The following MAP4K5 variants were observed in gnomAD, a reference collection of about 807,000 sequenced individuals.
MAP4K5 encodes the protein mitogen-activated protein kinase kinase kinase kinase 5, also known as MAPK/ERK kinase kinase kinase 5.
MAP4K5 carries 82 observed loss-of-function variants against 135.6 expected under a neutral mutation model. The observed-to-expected ratio is 0.60, with a 90% confidence interval of 0.51 to 0.73. The LOEUF is 0.73. MAP4K5 is among the 30% of genes least tolerant of loss of function. The pLI is 0.00. For synonymous variants in MAP4K5, 347 were observed against 335.0 expected, an observed-to-expected ratio of 1.04 and a Z score of -0.39; for missense variants, 907 against 1,010.9, an observed-to-expected ratio of 0.90 and a Z score of 1.39.
At position 50,511,339 on chromosome 14, in the gene MAP4K5, GT is replaced by G. The variant is rs557000888; in HGVS notation, c.109-6483del. Among the ~76,000 whole-genome samples the G allele has an allele frequency of 8.5e-5, 13 of 152,250 alleles. 1 individual carries two copies. The South Asian group carries it at 2.7e-3, about 32-fold the overall frequency. The stretch of plus-strand genomic sequence containing the variant: ...AACCATCACATGTTCTCACTCACAT[GT>G]GGAAGCTAAAAAAAGTTAATCTCAT... On this transcript the variant is annotated intron_variant, in intron 2 of 32. Coordinates refer to ENST00000682126, the MANE Select transcript of MAP4K5 (RefSeq NM_006575.6).
At chr14:50,506,914 C>T (rs17718580) in intron 2 of MAP4K5, among the ~76,000 whole-genome samples, 10,923 of 152,208 alleles carry the variant, frequency 0.072, 503 homozygotes, top group Middle Eastern at 0.13. Flanking sequence ...GTCTGTTAGC[C>T]TCACGTCTTC....
chr14:50,506,621 GT>G (rs2037815287), intron 2 of MAP4K5, among the ~76,000 whole-genome samples: 1 of 152,156 alleles, frequency 6.6e-6, no homozygotes, highest in Non-Finnish European at 1.5e-5. Context: ...GCCTCCTGAA[GT>G]GCTGGGATTA....
At chr14:50,438,668 TTTA>T (rs562183534) in intron 23 of MAP4K5, among the ~76,000 whole-genome samples, 14 of 152,252 alleles carry the variant, frequency 9.2e-5, no homozygotes, top group Admixed American at 2.0e-4. Context: ...TATTTATCTT[TTTA>T]TTATTAGAAA....
intron 3 of MAP4K5, among the ~76,000 whole-genome samples, chr14:50,490,153 G>A (rs957291142): frequency 8.6e-4 from 126 of 146,952 alleles, no homozygotes; most frequent in Non-Finnish European, 9.8e-4. Flanking sequence ...GTGTGTGTGT[G>A]TGTGTGTAAG....
rs763799583 is a variant in MAP4K5, at chr14:50,531,953, C to A, written c.97G>T (p.Asp33Tyr). 5.6e-6 allele frequency: 9 copies of A among 1,599,308 alleles called. No individual in the cohort carries two copies. Among genetic ancestry groups the A allele is most frequent in the Non-Finnish European group, 6.8e-6 (8 of 1,172,868 alleles). ...CCAGCCTCACTTACCTTATAGACGT[C>A]CCCGTAGGTGCCGCTGCCGACCCTC... ...VQRVGSGTYG[D>Y]VYKARNVHTG... The change falls in exon 2 of 33, where the codon GAC becomes TAC. Residue 33 changes from aspartate to tyrosine, a missense_variant. Asp to Tyr is a radical substitution (Grantham distance 160). Around this residue, in one of 3 missense-constraint regions of MAP4K5, gnomAD observed 196 missense variants for 189.3 expected, o/e 1.04. Coordinates refer to ENST00000682126, the MANE Select transcript of MAP4K5 (RefSeq NM_006575.6).
intron 2 of MAP4K5, among the ~76,000 whole-genome samples, chr14:50,523,753 G>A (rs1178592818): frequency 2.0e-5 from 3 of 152,152 alleles, no homozygotes; most frequent in Admixed American, 1.3e-4. Flanking sequence ...CATGAGGGGA[G>A]GAATCTTTGT....
intron 18 of MAP4K5, 150 bp downstream of exon 18, chr14:50,444,891 T>G: frequency 1.2e-6 from 1 of 820,902 alleles, no homozygotes; most frequent in Non-Finnish European, 1.8e-6. Flanking sequence ...TTTACAAAGC[T>G]TTAAGCTATA....
chr14:50,440,278 G>A, intron 22 of MAP4K5, 84 bp downstream of exon 22: 1 of 908,168 alleles, frequency 1.1e-6, no homozygotes, highest in Non-Finnish European at 1.7e-6. Context: ...TTAAAATTGG[G>A]GCCTACACAG....
chr14:50,470,653 TAC>T (rs59377868), intron 9 of MAP4K5, among the ~76,000 whole-genome samples: 2,429 of 149,174 alleles, frequency 0.016, 58 homozygotes, highest in African/African-American at 0.053. Context: ...CATCCATTTT[TAC>T]ACACACACAC....
At chr14:50,560,372 CAGGG>C in intron 1 of MAP4K5, 1 of 1,564,736 alleles carries the variant, frequency 6.4e-7, no homozygotes, top group Non-Finnish European at 8.7e-7. Flanking sequence ...TCTGTGGAGA[CAGGG>C]AGGGCCAAGG....
chr14:50,453,035 A>G (rs768597188), intron 14 of MAP4K5, among the ~76,000 whole-genome samples: 4 of 152,198 alleles, frequency 2.6e-5, no homozygotes, highest in Non-Finnish European at 4.4e-5. Context: ...CTTTATGATG[A>G]TACCTGTAGA....
intron 26 of MAP4K5, 142 bp from the exon 27 acceptor site, chr14:50,435,207 GT>G: frequency 8.4e-6 from 4 of 474,148 alleles, no homozygotes; most frequent in Non-Finnish European, 1.5e-5. Flanking sequence ...TGCCTTTTCC[GT>G]TTTACTTTCT....
At chr14:50,473,030 T>C (rs745723527) in intron 9 of MAP4K5, among the ~76,000 whole-genome samples, 9 of 152,190 alleles carry the variant, frequency 5.9e-5, no homozygotes, top group Non-Finnish European at 1.2e-4. Flanking sequence ...GAGAATTCTG[T>C]AGACACCCTT....
chr14:50,477,426 T>C (rs1013477134), intron 6 of MAP4K5, among the ~76,000 whole-genome samples: 3 of 152,134 alleles, frequency 2.0e-5, no homozygotes, highest in African/African-American at 7.2e-5. Flanking sequence ...ATAAAGAGAG[T>C]TGTACTTCCT....
chr14:50,431,023 G>C (rs1196052898), intron 28 of MAP4K5, among the ~76,000 whole-genome samples: 3 of 152,136 alleles, frequency 2.0e-5, no homozygotes, highest in Non-Finnish European at 2.9e-5. Context: ...AAAAGTACAT[G>C]TTTCCCCAAG....
intron 31 of MAP4K5, among the ~76,000 whole-genome samples, chr14:50,423,958 C>T (rs913834570): frequency 2.0e-5 from 3 of 151,986 alleles, no homozygotes; most frequent in African/African-American, 7.3e-5. Flanking sequence ...CTCAGTGGTC[C>T]CTACTGGATT....
chr14:50,442,007 C>T (rs2036241042), intron 21 of MAP4K5, among the ~76,000 whole-genome samples: 2 of 152,038 alleles, frequency 1.3e-5, no homozygotes, highest in Non-Finnish European at 2.9e-5. Flanking sequence ...CAAACAATCA[C>T]ACTGAAAAGC....
chr14:50,512,219 C>T (rs889116819), intron 2 of MAP4K5, among the ~76,000 whole-genome samples: 2 of 151,942 alleles, frequency 1.3e-5, no homozygotes, highest in Non-Finnish European at 2.9e-5. Context: ...AAAAAATTGT[C>T]TATTAATTTA....
intron 1 of MAP4K5, among the ~76,000 whole-genome samples, chr14:50,557,538 A>G (rs2038779078): frequency 6.6e-6 from 1 of 152,212 alleles, no homozygotes; most frequent in Non-Finnish European, 1.5e-5. Flanking sequence ...TTTCACACCT[A>G]CATAACATTC....
Sources: gnomAD v4.1 joint callset for allele counts (sites outside exome capture counted in the v4.1 genomes callset) on GRCh38, gnomAD v4.1.1 for gene constraint, gnomAD v4.1.1 regional missense constraint, MANE v1.5 for transcripts, NCBI Gene and HGNC (gene_info 2026-07-23, HGNC 2026-07-21) for gene names.